Variants in TAFA5 observed in about 807,000 individuals in gnomAD.
TAFA5 encodes the protein TAFA chemokine like family member 5.
Under a neutral mutation model 15.3 loss-of-function variants are expected in TAFA5, and 6 were observed. The ratio of observed to expected loss-of-function variants is 0.39; its 90% CI spans 0.21 to 0.77. The LOEUF (loss-of-function observed/expected upper bound fraction) is 0.77. TAFA5 is among the 30% of genes least tolerant of loss of function. The pLI is 0.41. For synonymous variants in TAFA5, 103 were observed against 80.7 expected (o/e 1.28, Z -1.48); for missense variants, 161 against 193.1 (o/e 0.83, Z 0.98).
chr22:48,528,061 C>A (rs1921841351), intron 1 of TAFA5, among the ~76,000 whole-genome samples: 1 of 152,252 alleles, frequency 6.6e-6, no homozygotes, highest in Non-Finnish European at 1.5e-5. Flanking sequence ...GCTGGCTTGG[C>A]CGCCTGGGCC....
intron 3 of TAFA5, among the ~76,000 whole-genome samples, chr22:48,723,353 C>T (rs1929624909): frequency 6.6e-6 from 1 of 152,176 alleles, no homozygotes; most frequent in African/African-American, 2.4e-5. Flanking sequence ...TGTCAGCTCC[C>T]CGTTAAACCC....
chr22:48,563,272 G>A (rs553441441), intron 1 of TAFA5, among the ~76,000 whole-genome samples: 38 of 152,270 alleles, frequency 2.5e-4, no homozygotes, highest in Admixed American at 2.0e-4. Context: ...GGGGACCACC[G>A]TGGGCGCTTA....
chr22:48,545,859 A>G (rs1329168226), intron 1 of TAFA5, among the ~76,000 whole-genome samples: 2 of 152,168 alleles, frequency 1.3e-5, no homozygotes, highest in African/African-American at 4.8e-5. Flanking sequence ...GGAGTCCGGC[A>G]GGGCAGATTA....
chr22:48,701,794 C>T (rs1395265099), intron 2 of TAFA5, among the ~76,000 whole-genome samples: 1 of 152,232 alleles, frequency 6.6e-6, no homozygotes, highest in Non-Finnish European at 1.5e-5. Flanking sequence ...CTGCCCTCCC[C>T]TGGCTGCCTC....
Position 48,587,464 on chromosome 22 carries a change from G to C in TAFA5, c.113-59133G>C, listed in dbSNP as rs76434224. On this transcript the variant is annotated intron_variant, in intron 1 of 3. Coordinates refer to ENST00000402357, the MANE Select transcript of TAFA5 (RefSeq NM_001082967.3). ...AGGTGTGGGCTGCAGGCGGGTCGGG[G>C]TGGGCTGCAGGCAGGCATTTAAGGA... 4.3e-3 allele frequency among the ~76,000 whole-genome samples: 655 copies of C among 152,294 alleles called. 42 individuals carry two copies. The East Asian group carries it at 0.11, about 26-fold the overall frequency.
At chr22:48,554,479 T>G (rs756584760) in intron 1 of TAFA5, among the ~76,000 whole-genome samples, 2 of 152,206 alleles carry the variant, frequency 1.3e-5, no homozygotes, top group Admixed American at 6.5e-5. Flanking sequence ...TCACATGAGT[T>G]AATTACTCTT....
At chr22:48,660,529 C>T (rs969511882) in intron 2 of TAFA5, among the ~76,000 whole-genome samples, 1 of 152,236 alleles carries the variant, frequency 6.6e-6, no homozygotes, top group Non-Finnish European at 1.5e-5. Flanking sequence ...ACAATTCTTT[C>T]CAGCCGATAA....
At chr22:48,650,908 C>T (rs113722368) in intron 2 of TAFA5, among the ~76,000 whole-genome samples, 2,327 of 152,308 alleles carry the variant, frequency 0.015, 30 homozygotes, top group Non-Finnish European at 0.022. Context: ...TATGCAGACG[C>T]GCCAGGTTCC....
At chr22:48,641,588 T>A (rs1430790372) in intron 1 of TAFA5, among the ~76,000 whole-genome samples, 3 of 14,470 alleles carry the variant, frequency 2.1e-4, no homozygotes, top group South Asian at 2.3e-3. Context: ...CGCCCTCCCC[T>A]CCACCCCACA....
intron 1 of TAFA5, among the ~76,000 whole-genome samples, chr22:48,541,477 C>T (rs1601565652): frequency 3.3e-5 from 5 of 152,274 alleles, no homozygotes; most frequent in Admixed American, 3.3e-4. Context: ...GTGGAGTCTG[C>T]CTCTCTCAGG....
At chr22:48,681,469 C>T (rs535393989) in intron 2 of TAFA5, among the ~76,000 whole-genome samples, 141 of 145,986 alleles carry the variant, frequency 9.7e-4, no homozygotes, top group African/African-American at 3.6e-3. Context: ...ACGGTGAAAC[C>T]CTGTCTCTAC....
At chr22:48,706,946 G>A (rs1929097007) in intron 2 of TAFA5, among the ~76,000 whole-genome samples, 1 of 152,234 alleles carries the variant, frequency 6.6e-6, no homozygotes, top group African/African-American at 2.4e-5. Context: ...TGGGCCTCCA[G>A]GGAAGAGAGA....
At chr22:48,652,089 G>T (rs376638381) in intron 2 of TAFA5, among the ~76,000 whole-genome samples, 1 of 152,250 alleles carries the variant, frequency 6.6e-6, no homozygotes, top group South Asian at 2.1e-4. Flanking sequence ...TTTCGGTTCT[G>T]AGAGGCTGGG....
chr22:48,511,073 A>C (rs371521205), intron 1 of TAFA5, among the ~76,000 whole-genome samples: 56 of 152,352 alleles, frequency 3.7e-4, no homozygotes, highest in African/African-American at 1.3e-3. Context: ...TTTAGGGTCA[A>C]CCAGGACATT....
intron 2 of TAFA5, among the ~76,000 whole-genome samples, chr22:48,683,112 C>T (rs183153147): frequency 6.6e-5 from 10 of 152,230 alleles, no homozygotes; most frequent in Admixed American, 3.3e-4. Context: ...TATACAGTCC[C>T]GGTGGCAATA....
At chr22:48,568,945 G>C (rs1252019284) in intron 1 of TAFA5, among the ~76,000 whole-genome samples, 1 of 152,178 alleles carries the variant, frequency 6.6e-6, no homozygotes, top group Non-Finnish European at 1.5e-5. Flanking sequence ...GATGAGGGCA[G>C]ACGAGGGCAG....
At chr22:48,565,429 G>A (rs1010124389) in intron 1 of TAFA5, among the ~76,000 whole-genome samples, 4 of 152,344 alleles carry the variant, frequency 2.6e-5, no homozygotes, top group African/African-American at 9.6e-5. Context: ...GCAAATGCAT[G>A]ATGCTCTGTT....
chr22:48,529,457 G>T (rs1921896038), intron 1 of TAFA5, among the ~76,000 whole-genome samples: 1 of 62,522 alleles, frequency 1.6e-5, no homozygotes, highest in African/African-American at 7.1e-5. Flanking sequence ...GGAGATGGGG[G>T]TGTCCAGGCA....
chr22:48,498,756 A>G (rs1160376861), intron 1 of TAFA5, among the ~76,000 whole-genome samples: 1 of 152,150 alleles, frequency 6.6e-6, no homozygotes, highest in African/African-American at 2.4e-5. Context: ...AGTTGTGACA[A>G]CCAAAGATGT....
Sources: gnomAD v4.1 joint callset for allele counts (sites outside exome capture counted in the v4.1 genomes callset) on GRCh38, gnomAD v4.1.1 for gene constraint, MANE v1.5 for transcripts, NCBI Gene and HGNC (gene_info 2026-07-23, HGNC 2026-07-21) for gene names.